The following SUCLG2 variants were observed in gnomAD, a reference collection of about 807,000 sequenced individuals.
The protein encoded by SUCLG2 is succinate--CoA ligase [GDP-forming] subunit beta, mitochondrial.
In SUCLG2, 42 loss-of-function variants were observed where a neutral mutation model predicts 47.9. That is an observed-to-expected ratio of 0.88 (90% confidence interval 0.69 to 1.14). The LOEUF (loss-of-function observed/expected upper bound fraction) is 1.14, where lower values mean the gene tolerates loss of function less well. SUCLG2 is among the 50% of genes most tolerant of loss of function. The pLI, the probability that SUCLG2 is intolerant of heterozygous loss-of-function variation, is 0.00. For synonymous variants in SUCLG2, 195 were observed against 197.3 expected (o/e 0.99, Z 0.10); for missense variants, 571 against 525.9 (o/e 1.09, Z -0.84).
intron 1 of SUCLG2, among the ~76,000 whole-genome samples, chr3:67,629,133 C>A (rs10510965): frequency 1.4e-3 from 214 of 152,272 alleles, no homozygotes; most frequent in Non-Finnish European, 1.9e-3. Context: ...GAGTTAAGCA[C>A]TGGCAAAGAC....
chr3:67,370,914 G>A (rs576274706), downstream of SUCLG2, among the ~76,000 whole-genome samples: 24 of 152,084 alleles, frequency 1.6e-4, no homozygotes, highest in East Asian at 1.9e-4. Context: ...TTGTGATGTC[G>A]TTTCTGCTTT....
chr3:67,491,382 CA>C (rs1705203172), intron 9 of SUCLG2, among the ~76,000 whole-genome samples: 1 of 94,752 alleles, frequency 1.1e-5, no homozygotes, highest in African/African-American at 7.8e-5. Flanking sequence ...TTTTTTTTTC[CA>C]GACGAAGTCT....
At chr3:67,488,528 C>G (rs911376437) in intron 9 of SUCLG2, among the ~76,000 whole-genome samples, 1 of 152,176 alleles carries the variant, frequency 6.6e-6, no homozygotes, top group Non-Finnish European at 1.5e-5. Flanking sequence ...AGTTCACTAC[C>G]CACATCTAAT....
intron 9 of SUCLG2, among the ~76,000 whole-genome samples, chr3:67,430,131 A>G (rs747201628): frequency 1.1e-4 from 17 of 152,232 alleles, no homozygotes; most frequent in Admixed American, 2.0e-4. Flanking sequence ...CTGCACCCCA[A>G]ATCAACAGAA....
intron 9 of SUCLG2, among the ~76,000 whole-genome samples, chr3:67,480,382 G>A (rs1439065463): frequency 1.3e-5 from 2 of 152,208 alleles, no homozygotes; most frequent in Non-Finnish European, 2.9e-5. Flanking sequence ...TCATCCCAGA[G>A]TTTCTGACTC....
intron 1 of SUCLG2, among the ~76,000 whole-genome samples, chr3:67,617,142 T>A (rs949374655): frequency 6.6e-6 from 1 of 152,226 alleles, no homozygotes; most frequent in Non-Finnish European, 1.5e-5. Flanking sequence ...TAACTCAATG[T>A]GTCTCAATAT....
intron 10 of SUCLG2, among the ~76,000 whole-genome samples, chr3:67,394,000 T>C (rs1009783942): frequency 1.3e-5 from 2 of 152,020 alleles, no homozygotes; most frequent in Non-Finnish European, 2.9e-5. Flanking sequence ...AGAAAGGACA[T>C]CCACACCAAA....
At chr3:67,399,161 T>TA (rs1461890431) in intron 10 of SUCLG2, among the ~76,000 whole-genome samples, 1 of 149,514 alleles carries the variant, frequency 6.7e-6, no homozygotes, top group Non-Finnish European at 1.5e-5. Flanking sequence ...CCCTAAAACT[T>TA]AAAGTATAAT....
chr3:67,466,565 G>A lies in SUCLG2; in HGVS notation c.1062+29233C>T, dbSNP rs1704476748. On this transcript the variant is annotated intron_variant, in intron 9 of 10. Coordinates refer to ENST00000307227, the MANE Select transcript of SUCLG2 (RefSeq NM_003848.4). ...CTGTCTTGTGAGGGAAGCTTAATCT[G>A]ATGTTGTGCTATTACTAACATGGAA... Among the ~76,000 whole-genome samples the A allele has an allele frequency of 1.3e-5, 2 of 152,224 alleles. 1 individual carries two copies. The highest frequency in any genetic ancestry group is 4.1e-4 in the South Asian group (2 of 4,826).
rs1702583588 is a variant in SUCLG2 at position 67,397,839 on chromosome 3, A to G, written c.1183+2892T>C. ...AAACAGAGATATAGATCAATGCAAC[A>G]GAACAGAGCCCTCAGAAATAACACC... On this transcript the variant is annotated intron_variant, in intron 10 of 10. Coordinates refer to ENST00000307227, the MANE Select transcript of SUCLG2 (RefSeq NM_003848.4). 2.6e-5 allele frequency among the ~76,000 whole-genome samples: 4 copies of G among 152,136 alleles called. No individual in the cohort carries two copies. In the South Asian group the frequency reaches 8.3e-4, roughly 32 times the overall value.
chr3:67,466,225 T>C (rs533118904), intron 9 of SUCLG2, among the ~76,000 whole-genome samples: 1 of 152,278 alleles, frequency 6.6e-6, no homozygotes, highest in African/African-American at 2.4e-5. Flanking sequence ...TGGTGGCATA[T>C]GCCTGTAATC....
chr3:67,610,891 A>G (rs1169301670), intron 1 of SUCLG2, among the ~76,000 whole-genome samples: 1 of 152,194 alleles, frequency 6.6e-6, no homozygotes, highest in African/African-American at 2.4e-5. Flanking sequence ...AGGGTGATTC[A>G]AAGCTCTATA....
intron 2 of SUCLG2, among the ~76,000 whole-genome samples, chr3:67,565,516 C>CA (rs1214384997): frequency 6.6e-6 from 1 of 152,186 alleles, no homozygotes; most frequent in Non-Finnish European, 1.5e-5. Flanking sequence ...GGCTTAAGTA[C>CA]AAACTGTGTA....
At chr3:67,393,259 T>A (rs1702437016) in intron 10 of SUCLG2, among the ~76,000 whole-genome samples, 1 of 152,240 alleles carries the variant, frequency 6.6e-6, no homozygotes. Context: ...GGGAGTTCCC[T>A]TTCCTAGTCA....
downstream of SUCLG2, among the ~76,000 whole-genome samples, chr3:67,370,184 G>C (rs552311909): frequency 3.7e-4 from 57 of 152,028 alleles, no homozygotes; most frequent in African/African-American, 1.0e-3. Flanking sequence ...AAATTTAAAG[G>C]GTTCTTATTT....
intron 2 of SUCLG2, among the ~76,000 whole-genome samples, chr3:67,535,139 AG>A (rs1706505569): frequency 6.6e-6 from 1 of 152,188 alleles, no homozygotes; most frequent in Non-Finnish European, 1.5e-5. Context: ...ATGTATTTAA[AG>A]GAAGTTAAGG....
chr3:67,488,391 G>T (rs1192460237), intron 9 of SUCLG2, among the ~76,000 whole-genome samples: 1 of 152,050 alleles, frequency 6.6e-6, no homozygotes, highest in Non-Finnish European at 1.5e-5. Flanking sequence ...GGAAAAAAAG[G>T]ATTCACAGTA....
At chr3:67,601,737 T>A (rs1253032946) in intron 2 of SUCLG2, among the ~76,000 whole-genome samples, 1 of 152,076 alleles carries the variant, frequency 6.6e-6, no homozygotes, top group African/African-American at 2.4e-5. Context: ...AGGCCAGCAA[T>A]TTGGGAGGTC....
intron 9 of SUCLG2, among the ~76,000 whole-genome samples, chr3:67,401,712 T>G (rs1372758187): frequency 6.6e-6 from 1 of 151,284 alleles, no homozygotes; most frequent in African/African-American, 2.4e-5. Context: ...CACAGAAAAA[T>G]GGCTGTTCAT....
Sources: allele counts gnomAD v4.1 joint callset (sites outside exome capture counted in the v4.1 genomes callset), GRCh38; gene constraint gnomAD v4.1.1; transcripts MANE v1.5; gene names NCBI Gene and HGNC (gene_info 2026-07-23, HGNC 2026-07-21).